IL19: variants seen among roughly 807,000 people sequenced by gnomAD.
The protein encoded by IL19 is interleukin-19.
A neutral mutation model predicts 19.5 loss-of-function variants in IL19; 15 were observed. That is an observed-to-expected ratio of 0.77 (90% CI 0.52 to 1.19). The LOEUF is 1.19. Ranked by LOEUF, IL19 falls within the 50% of genes most tolerant of loss-of-function variation. The probability of loss-of-function intolerance (pLI) is 0.00; values close to 1 mark genes in which losing one functional copy is unlikely to be tolerated. For synonymous variants in IL19, 78 were observed against 78.3 expected, an observed-to-expected ratio of 1.00 and a Z score of 0.02; for missense variants, 199 against 213.1, an observed-to-expected ratio of 0.93 and a Z score of 0.41.
At chr1:206,801,862 A>G (rs1233442130) in intron 2 of IL19, among the ~76,000 whole-genome samples, 1 of 152,222 alleles carries the variant, frequency 6.6e-6, no homozygotes, top group Non-Finnish European at 1.5e-5. Flanking sequence ...CTGTTTGTCA[A>G]TGAAGGGTGA....
At position 206,814,720 on chromosome 1, in the gene IL19, AC is replaced by A. The variant is rs1558615977; in HGVS notation, c.-3+15715del. ...CACACACACACACACACACACACAC[AC>A]ACACAATTCACTTTGAACATATGCA... On this transcript the variant is annotated intron_variant, in intron 2 of 6. Transcript: ENST00000659997. 8.6e-3 allele frequency among the ~76,000 whole-genome samples: 1,307 copies of A among 151,466 alleles called. 17 individuals are homozygous for A. Among genetic ancestry groups the A allele is most frequent in the African/African-American group, 0.029 (1,203 of 41,074 alleles).
At chr1:206,838,000 T>C (rs1676858649) in intron 4 of IL19, among the ~76,000 whole-genome samples, 1 of 152,182 alleles carries the variant, frequency 6.6e-6, no homozygotes, top group African/African-American at 2.4e-5. Flanking sequence ...GGGGTAATTT[T>C]GGAAGGCCCC....
intron 1 of IL19, among the ~76,000 whole-genome samples, chr1:206,781,093 G>T (rs1433332596): frequency 6.6e-6 from 1 of 151,930 alleles, no homozygotes; most frequent in Non-Finnish European, 1.5e-5. Flanking sequence ...AGCATAGTTT[G>T]GCCTGCCTTC....
intron 1 of IL19, among the ~76,000 whole-genome samples, chr1:206,783,647 C>T (rs1675197855): frequency 6.6e-6 from 1 of 152,204 alleles, no homozygotes. Context: ...TTGCTCAACC[C>T]CCAGCCCTAC....
At chr1:206,775,063 CAG>C (rs1674956972) in intron 1 of IL19, among the ~76,000 whole-genome samples, 1 of 149,430 alleles carries the variant, frequency 6.7e-6, no homozygotes. Flanking sequence ...TTTTTTGAGA[CAG>C]AGTCTCGCTC....
At chr1:206,834,085 T>G (rs1160099117) in intron 2 of IL19, 2 of 985,440 alleles carry the variant, frequency 2.0e-6, no homozygotes, top group South Asian at 4.7e-5. Context: ...TGCATGGACA[T>G]AGAATTGCAA....
chr1:206,800,059 A>G (rs1675641774), intron 2 of IL19, among the ~76,000 whole-genome samples: 1 of 152,272 alleles, frequency 6.6e-6, no homozygotes, highest in Non-Finnish European at 1.5e-5. Flanking sequence ...CAGATAAATC[A>G]ATTTTCAGGA....
chr1:206,822,141 G>A (rs147013629), intron 2 of IL19, among the ~76,000 whole-genome samples: 1 of 152,304 alleles, frequency 6.6e-6, no homozygotes, highest in African/African-American at 2.4e-5. Context: ...AGGGGGAAAG[G>A]GGAATTTCCA....
chr1:206,792,682 C>A (rs998022672), intron 1 of IL19, among the ~76,000 whole-genome samples: 11 of 152,136 alleles, frequency 7.2e-5, no homozygotes, highest in African/African-American at 2.2e-4. Context: ...GTCTCGATCT[C>A]CTGACCTCAT....
chr1:206,805,059 T>A (rs770408060), intron 2 of IL19, among the ~76,000 whole-genome samples: 7 of 152,250 alleles, frequency 4.6e-5, no homozygotes, highest in Non-Finnish European at 1.0e-4. Context: ...TACCTGGCTC[T>A]GCTTCTAGAG....
chr1:206,770,855 G>C lies in IL19; in HGVS notation c.-372G>C. The C allele has an allele frequency of 6.4e-7, 1 of 1,560,112 alleles. No homozygotes were observed. On this transcript the variant is annotated 5_prime_UTR_variant, in exon 1 of 7. Transcript: ENST00000659997. ...TGTGAGTGTCCCTGCTGGTCTGTAG[G>C]AGATGGTATTTTGGGGGCAGCTGCA... is the stretch of plus-strand genomic sequence containing the variant.
intron 1 of IL19, chr1:206,772,180 G>A: frequency 9.0e-7 from 1 of 1,110,536 alleles, no homozygotes; most frequent in Non-Finnish European, 1.4e-6. Context: ...TGGAGGTGGA[G>A]GCGCAGGAGG....
rs549828182 is a variant in IL19, at chr1:206,771,066, G to T, written c.-161G>T. ...CTTGGCAACCCAGGTAACCCTAAGG[G>T]CAGGAGCCAAAGGTGAGTGAGAGAT... On this transcript the variant is annotated 5_prime_UTR_variant, in exon 1 of 7. Transcript: ENST00000659997. The T allele has an allele frequency of 2.5e-6, 4 of 1,614,052 alleles. No individual in the cohort carries two copies. In the African/African-American group the frequency reaches 4.0e-5, roughly 16 times the overall value.
In IL19 at chr1:206,836,812, T is replaced by G; in HGVS notation, c.144+6T>G. 6.2e-7 allele frequency: 1 copy of G among 1,613,954 alleles called. No homozygotes were observed. ...AAGAAATCAAAAGAGCCATCGTGAG[T>G]ATGGGTTGGTGTAAAGGTGTGGATG... On this transcript the variant is annotated splice_donor_region_variant and intron_variant, in intron 3 of 6. Coordinates refer to ENST00000659997, the MANE Select transcript of IL19 (RefSeq NM_153758.5).
At chr1:206,826,654 G>A (rs1311959162) in intron 2 of IL19, among the ~76,000 whole-genome samples, 1 of 152,188 alleles carries the variant, frequency 6.6e-6, no homozygotes, top group East Asian at 1.9e-4. Context: ...CAGTACCCAT[G>A]GGAGAAGCTC....
At chr1:206,805,407 T>C (rs1459343885) in intron 2 of IL19, among the ~76,000 whole-genome samples, 1 of 152,222 alleles carries the variant, frequency 6.6e-6, no homozygotes, top group African/African-American at 2.4e-5. Context: ...CCTCATTCAC[T>C]TTTTTCTGTT....
chr1:206,827,628 C>T (rs975847734), intron 2 of IL19, among the ~76,000 whole-genome samples: 10 of 151,536 alleles, frequency 6.6e-5, no homozygotes, highest in East Asian at 1.9e-4. Flanking sequence ...GGGGCGGAGC[C>T]TGCAGTGAGC....
intron 2 of IL19, among the ~76,000 whole-genome samples, chr1:206,802,951 A>G (rs760826698): frequency 6.6e-6 from 1 of 152,220 alleles, no homozygotes; most frequent in African/African-American, 2.4e-5. Context: ...TCAAGAACAG[A>G]AGCAGCTGTG....
intron 1 of IL19, among the ~76,000 whole-genome samples, chr1:206,776,537 G>C (rs977272345): frequency 6.6e-5 from 10 of 151,996 alleles, no homozygotes; most frequent in East Asian, 1.9e-4. Flanking sequence ...AGCAGTCATC[G>C]GCCAACCTCC....
Sources: gnomAD v4.1 joint callset for allele counts (sites outside exome capture counted in the v4.1 genomes callset) on GRCh38, gnomAD v4.1.1 for gene constraint, MANE v1.5 for transcripts, NCBI Gene and HGNC (gene_info 2026-07-23, HGNC 2026-07-21) for gene names.